PDGFC: variants seen among roughly 807,000 people sequenced by gnomAD.
PDGFC encodes the protein platelet-derived growth factor C.
A neutral mutation model predicts 35.5 loss-of-function variants in PDGFC; 12 were observed. The ratio of observed to expected loss-of-function variants is 0.34; its 90% CI spans 0.22 to 0.55. The LOEUF (loss-of-function observed/expected upper bound fraction) is 0.55. PDGFC is among the 20% of genes least tolerant of loss of function. PDGFC has a pLI of 0.91. For missense variants in PDGFC, 322 were observed against 412.4 expected (o/e 0.78, Z 1.90); for synonymous variants, 159 against 148.8 (o/e 1.07, Z -0.50).
chr4:156,896,377 G>A lies in PDGFC; in HGVS notation c.119-45961C>T, dbSNP rs144787321. On this transcript the variant is annotated intron_variant, in intron 1 of 5. Transcript: ENST00000502773. ...TTTATTCTTCAAAACAACCCTGACA[G>A]GTGTGTGGTATCTTGACTTTACAGC... Among the ~76,000 whole-genome samples the A allele has an allele frequency of 7.1e-3, 1,078 of 152,170 alleles. 8 individuals carry two copies. Among genetic ancestry groups the A allele is most frequent in the African/African-American group, 0.025 (1,036 of 41,518 alleles).
chr4:156,791,445 A>G (rs144155027), intron 3 of PDGFC, among the ~76,000 whole-genome samples: 18 of 152,208 alleles, frequency 1.2e-4, no homozygotes, highest in African/African-American at 3.4e-4. Context: ...AGCTCAGAGA[A>G]CCTCAAAAAT....
At chr4:156,797,342 C>T (rs746027411) in intron 3 of PDGFC, among the ~76,000 whole-genome samples, 6 of 152,066 alleles carry the variant, frequency 3.9e-5, no homozygotes, top group Non-Finnish European at 8.8e-5. Flanking sequence ...TCACCCCTCG[C>T]CCACACCCCA....
At chr4:156,763,363 C>CAAAAAAA (rs33986749) in intron 5 of PDGFC, among the ~76,000 whole-genome samples, 157 bp from the exon 6 acceptor site, 1 of 97,156 alleles carries the variant, frequency 1.0e-5, no homozygotes, top group African/African-American at 3.5e-5. Flanking sequence ...ACTCTCCCAC[C>CAAAAAAA]AAAAAAAAAA....
chr4:156,786,829 T>C (rs1205807519), intron 3 of PDGFC, among the ~76,000 whole-genome samples: 1 of 152,208 alleles, frequency 6.6e-6, no homozygotes, highest in Non-Finnish European at 1.5e-5. Context: ...CAACTGTAGT[T>C]GGGAGCTATT....
intron 2 of PDGFC, among the ~76,000 whole-genome samples, chr4:156,846,347 A>G (rs957569637): frequency 7.2e-5 from 11 of 151,800 alleles, no homozygotes; most frequent in African/African-American, 2.4e-4. Flanking sequence ...TCTGGCCAAT[A>G]TATTTAAGCA....
At chr4:156,780,034 T>C (rs1341022315) in intron 3 of PDGFC, among the ~76,000 whole-genome samples, 1 of 151,580 alleles carries the variant, frequency 6.6e-6, no homozygotes, top group Non-Finnish European at 1.5e-5. Context: ...AAACTAGAAT[T>C]CCATGGGATG....
chr4:156,891,716 T>C (rs1282532502), intron 1 of PDGFC, among the ~76,000 whole-genome samples: 2 of 152,194 alleles, frequency 1.3e-5, no homozygotes, highest in African/African-American at 4.8e-5. Flanking sequence ...AAGTACAGAT[T>C]CAGCTGAACA....
chr4:156,824,327 T>TACACATACACACACAC, intron 2 of PDGFC, among the ~76,000 whole-genome samples: 1 of 102,842 alleles, frequency 9.7e-6, no homozygotes, highest in South Asian at 3.2e-4. Context: ...TATATATATA[T>TACACATACACACACAC]ACACACACAC....
chr4:156,932,946 A>C (rs868863187), intron 1 of PDGFC, among the ~76,000 whole-genome samples: 11 of 152,024 alleles, frequency 7.2e-5, no homozygotes, highest in Non-Finnish European at 1.5e-4. Flanking sequence ...CACACACACA[A>C]AGAGTGAAGT....
rs1730727705 is a variant in PDGFC, at chr4:156,772,912, C to T, written c.496-19G>A. ...TGAATTGCTGAAAGTAAAATGAATC[C>T]TGTGTTAACTGTTTTAAAAACGACA... On this transcript the variant is annotated intron_variant, in intron 3 of 5. Coordinates refer to ENST00000502773, the MANE Select transcript of PDGFC (RefSeq NM_016205.3). 7 of 1,544,000 alleles carry T rather than the reference C, an allele frequency of 4.5e-6. No homozygotes were observed. The highest frequency in any genetic ancestry group is 5.4e-6 in the Non-Finnish European group (6 of 1,117,074).
intron 2 of PDGFC, among the ~76,000 whole-genome samples, chr4:156,831,339 G>A (rs1012242557): frequency 6.6e-6 from 1 of 151,854 alleles, no homozygotes; most frequent in Non-Finnish European, 1.5e-5. Flanking sequence ...TGGGTGCAGT[G>A]GTACATGCTG....
At position 156,779,258 on chromosome 4, in the gene PDGFC, C is replaced by T. The variant is rs1377873757; in HGVS notation, c.496-6365G>A. On this transcript the variant is annotated intron_variant, in intron 3 of 5. Transcript: ENST00000502773. Reference sequence around the variant, plus strand: ...AATTCATTCAAAAAGTTATCTGGGTCATGTTTTTAAATTATTTTTAAGCCG... The same window carrying T: ...AATTCATTCAAAAAGTTATCTGGGTTATGTTTTTAAATTATTTTTAAGCCG... 39 of 442,624 alleles carry T rather than the reference C, an allele frequency of 8.8e-5. No homozygotes were observed. In the Admixed American group the frequency reaches 9.7e-4, roughly 11 times the overall value. The allele number at this position is 442,624 out of a possible 1,614,324, so 27.4% of individuals were successfully genotyped here. A position where few individuals can be genotyped will look rare whatever the true frequency, so the allele number is the denominator to read the frequency against.
chr4:156,778,036 G>A (rs1429201100), intron 3 of PDGFC, among the ~76,000 whole-genome samples: 1 of 152,026 alleles, frequency 6.6e-6, no homozygotes, highest in Non-Finnish European at 1.5e-5. Flanking sequence ...CCCAGGAGGC[G>A]GAGGTTGCAA....
intron 1 of PDGFC, among the ~76,000 whole-genome samples, chr4:156,928,373 A>ACCTGAT (rs1731466970): frequency 6.6e-6 from 1 of 152,158 alleles, no homozygotes; most frequent in African/African-American, 2.4e-5. Flanking sequence ...CTGCAGCTCT[A>ACCTGAT]CCTGATTTTA....
chr4:156,766,617 CT>C (rs1004962815), intron 5 of PDGFC, among the ~76,000 whole-genome samples: 7 of 152,188 alleles, frequency 4.6e-5, no homozygotes, highest in Admixed American at 1.3e-4. Context: ...ATGACCTTTA[CT>C]TTTTTCCACT....
At chr4:156,827,941 G>A (rs77724713) in intron 2 of PDGFC, among the ~76,000 whole-genome samples, 9,042 of 152,218 alleles carry the variant, frequency 0.059, 888 homozygotes, top group African/African-American at 0.21. Context: ...GTGTTAAGAG[G>A]CAAAGCAAAT....
At chr4:156,776,482 T>A (rs1340448334) in intron 3 of PDGFC, among the ~76,000 whole-genome samples, 1 of 152,228 alleles carries the variant, frequency 6.6e-6, no homozygotes, top group Non-Finnish European at 1.5e-5. Context: ...AAACCCTTAT[T>A]CAGCCAGAGA....
At chr4:156,894,835 G>C (rs1177186625) in intron 1 of PDGFC, among the ~76,000 whole-genome samples, 1 of 152,104 alleles carries the variant, frequency 6.6e-6, no homozygotes, top group East Asian at 1.9e-4. Flanking sequence ...TTCAGATTTA[G>C]GTTCCATCAA....
intron 1 of PDGFC, among the ~76,000 whole-genome samples, chr4:156,936,478 G>GT (rs1340732850): frequency 6.6e-6 from 1 of 152,128 alleles, no homozygotes; most frequent in Non-Finnish European, 1.5e-5. Flanking sequence ...AACAACAACA[G>GT]TTTTTTACCC....
Sources: gnomAD v4.1 joint callset for allele counts (sites outside exome capture counted in the v4.1 genomes callset) on GRCh38, gnomAD v4.1.1 for gene constraint, MANE v1.5 for transcripts, NCBI Gene and HGNC (gene_info 2026-07-23, HGNC 2026-07-21) for gene names.